The following LAMC1 variants were observed in gnomAD, a reference collection of about 807,000 sequenced individuals.
LAMC1 encodes laminin subunit gamma 1.
LAMC1 carries 38 observed loss-of-function variants against 173.6 expected under a neutral mutation model. The observed-to-expected ratio is 0.22, with a 90% CI of 0.17 to 0.29. The LOEUF (loss-of-function observed/expected upper bound fraction) is 0.29, where lower values mean the gene tolerates loss of function less well. Ranked by LOEUF, LAMC1 falls within the 10% of genes least tolerant of loss-of-function variation. The pLI, the probability that LAMC1 is intolerant of heterozygous loss-of-function variation, is 1.00. For synonymous variants in LAMC1, 746 were observed against 749.1 expected (o/e 1.00, Z 0.07); for missense variants, 1,824 against 2,051.8 (o/e 0.89, Z 2.14).
intron 2 of LAMC1, among the ~76,000 whole-genome samples, chr1:183,106,167 G>A (rs192676935): frequency 1.5e-4 from 23 of 152,244 alleles, no homozygotes; most frequent in East Asian, 7.7e-4. Context: ...GTCTAGCTCC[G>A]GGGTCTGTTC....
chr1:183,046,354 C>T (rs1040224070), intron 1 of LAMC1, among the ~76,000 whole-genome samples: 1 of 152,032 alleles, frequency 6.6e-6, no homozygotes, highest in Non-Finnish European at 1.5e-5. Flanking sequence ...ATCAGGTTGT[C>T]AAGTTCCTCA....
At position 183,133,395 on chromosome 1, in the gene LAMC1, T is replaced by C. The variant is rs772825729; in HGVS notation, c.3705-11T>C. 6.2e-7 allele frequency: 1 copy of C among 1,606,966 alleles called. No individual in the cohort carries two copies. Among genetic ancestry groups the C allele is most frequent in the Admixed American group, 1.7e-5 (1 of 59,736 alleles). On this transcript the variant is annotated splice_polypyrimidine_tract_variant and intron_variant, in intron 21 of 27. Coordinates refer to ENST00000258341, the MANE Select transcript of LAMC1 (RefSeq NM_002293.4). Reference sequence around the variant, plus strand: ...TAAGATTGTCATTAAACCACATTATTTGTGTCTTAGGTATGAACAAGCGAA... The same window carrying C: ...TAAGATTGTCATTAAACCACATTATCTGTGTCTTAGGTATGAACAAGCGAA...
At position 183,122,165 on chromosome 1, in the gene LAMC1, C is replaced by T. The variant is rs769319364; in HGVS notation, c.2315C>T (p.Pro772Leu). The change falls in exon 13 of 28, where the codon CCC (proline) becomes CTC (leucine). Residue 772 changes from proline to leucine, a missense_variant. Pro to Leu is a moderately conservative substitution (Grantham distance 98, BLOSUM62 -3). Transcript: ENST00000258341. The stretch of plus-strand genomic sequence containing the variant: ...GCAGGCACCTCCTCCGATTGCCAAC[C>T]CTGTCCGTGTCCTGGAGGTTCAAGT... Reference protein sequence around the residue: ...STAGTSSDCQPCPCPGGSSCA... With the variant: ...STAGTSSDCQLCPCPGGSSCA... The T allele has an allele frequency of 1.6e-5, 26 of 1,614,158 alleles. No homozygotes were observed. The South Asian group carries it at 2.6e-4, about 16-fold the overall frequency.
Position 183,023,764 on chromosome 1 carries a change from G to T in LAMC1, c.48G>T (p.Arg16=), listed in dbSNP as rs1305274437. Reference sequence around the variant, plus strand: ...CGCCGGCCCTGCGGCCCCGGGGGCGGCTCTGGCCCGTGCTGGCCGTGCTGG... The same window carrying T: ...CGCCGGCCCTGCGGCCCCGGGGGCGTCTCTGGCCCGTGCTGGCCGTGCTGG... ...RAAPALRPRG[R]LWPVLAVLAA... Residue 16 remains arginine, a synonymous_variant, in exon 1 of 28, where the codon CGG becomes CGT. Coordinates refer to ENST00000258341, the MANE Select transcript of LAMC1 (RefSeq NM_002293.4). 7.2e-7 allele frequency: 1 copy of T among 1,395,186 alleles called. No individual in the cohort carries two copies. The highest frequency in any genetic ancestry group is 9.3e-7 in the Non-Finnish European group (1 of 1,073,486). The allele number at this position is 1,395,186 out of a possible 1,614,324, so 86.4% of individuals were successfully genotyped here.
chr1:183,107,082 C>G (rs539919813), intron 2 of LAMC1, among the ~76,000 whole-genome samples: 1 of 152,120 alleles, frequency 6.6e-6, no homozygotes, highest in Non-Finnish European at 1.5e-5. Flanking sequence ...CTCATAAAAC[C>G]TAGGGAAAAA....
chr1:183,114,386 A>G (rs961222122), intron 4 of LAMC1, 145 bp from the exon 5 acceptor site: 4 of 839,330 alleles, frequency 4.8e-6, no homozygotes, highest in African/African-American at 1.7e-5. Flanking sequence ...GTTGTTGTTA[A>G]TGAACAGTGC....
intron 1 of LAMC1, among the ~76,000 whole-genome samples, chr1:183,088,492 C>T (rs1655489344): frequency 6.6e-6 from 1 of 152,156 alleles, no homozygotes; most frequent in African/African-American, 2.4e-5. Context: ...TTTTATCAAA[C>T]TTGAGTTTCA....
chr1:183,106,076 G>A (rs1264138798), intron 2 of LAMC1, among the ~76,000 whole-genome samples: 2 of 152,106 alleles, frequency 1.3e-5, no homozygotes, highest in Non-Finnish European at 2.9e-5. Context: ...TTACAGATGA[G>A]GAATCAGAGG....
chr1:183,060,238 G>C (rs546273942), intron 1 of LAMC1, among the ~76,000 whole-genome samples: 1 of 152,118 alleles, frequency 6.6e-6, no homozygotes, highest in South Asian at 2.1e-4. Flanking sequence ...ATCTCTGGCA[G>C]TTCCTGGAAC....
intron 13 of LAMC1, among the ~76,000 whole-genome samples, 187 bp from the exon 14 acceptor site, chr1:183,124,444 A>G (rs959749535): frequency 1.3e-5 from 2 of 152,200 alleles, no homozygotes; most frequent in Non-Finnish European, 2.9e-5. Context: ...GAGGAAATAG[A>G]GATGTGCTCA....
chr1:183,142,549 T>G lies in LAMC1; in HGVS notation c.4589T>G (p.Val1530Gly). The G allele has an allele frequency of 6.2e-7, 1 of 1,612,468 alleles. No individual in the cohort carries two copies. Among genetic ancestry groups the G allele is most frequent in the Non-Finnish European group, 8.5e-7 (1 of 1,179,312 alleles). The change falls in exon 28 of 28, where the codon GTG becomes GGG. Residue 1530 changes from valine to glycine, a missense_variant. Transcript: ENST00000258341. ...LLEQLGQLDT[V>G]DLNKLNEIEG... is the part of the protein sequence containing the mutation. The stretch of plus-strand genomic sequence containing the variant: ...GACCCTCCAGGGCAGCTGGATACAG[T>G]GGACCTGAATAAGCTAAACGAGATT...
chr1:183,046,730 G>C (rs1156546388), intron 1 of LAMC1, among the ~76,000 whole-genome samples: 1 of 152,004 alleles, frequency 6.6e-6, no homozygotes, highest in South Asian at 2.1e-4. Context: ...TATGTAGGTA[G>C]TCATCATCTG....
intron 23 of LAMC1, 74 bp from the exon 24 acceptor site, chr1:183,134,968 A>T: frequency 7.1e-7 from 1 of 1,401,258 alleles, no homozygotes; most frequent in Non-Finnish European, 1.0e-6. Flanking sequence ...GCACCTCTGG[A>T]GAGCCTTGTC....
intron 11 of LAMC1, among the ~76,000 whole-genome samples, chr1:183,120,405 C>T (rs1656439017): frequency 6.6e-6 from 1 of 152,054 alleles, no homozygotes; most frequent in South Asian, 2.1e-4. Context: ...CCAATAAAGC[C>T]ATATCTCATG....
intron 1 of LAMC1, among the ~76,000 whole-genome samples, chr1:183,066,159 T>A (rs1654868443): frequency 6.6e-6 from 1 of 152,204 alleles, no homozygotes; most frequent in South Asian, 2.1e-4. Context: ...CTGTAGTTTG[T>A]GGGAAAAATT....
intron 1 of LAMC1, among the ~76,000 whole-genome samples, chr1:183,065,786 AGTT>A: frequency 6.6e-6 from 1 of 152,342 alleles, no homozygotes; most frequent in East Asian, 1.9e-4. Flanking sequence ...AATGACAAGT[AGTT>A]GTTTACTTTG....
At chr1:183,139,519 T>C (rs1004379006) in intron 26 of LAMC1, among the ~76,000 whole-genome samples, 3 of 152,248 alleles carry the variant, frequency 2.0e-5, no homozygotes, top group Non-Finnish European at 2.9e-5. Context: ...AGCTGCCGTT[T>C]GGACAGAGAT....
intron 11 of LAMC1, among the ~76,000 whole-genome samples, chr1:183,119,451 A>G (rs750773652): frequency 1.1e-4 from 17 of 152,236 alleles, no homozygotes; most frequent in Non-Finnish European, 1.9e-4. Flanking sequence ...CATATGGGCA[A>G]TAATTTTTAA....
chr1:183,103,304 ACC>A (rs1420645154), intron 1 of LAMC1, 22 bp from the exon 2 acceptor site: 3 of 1,599,684 alleles, frequency 1.9e-6, no homozygotes, highest in Non-Finnish European at 1.7e-6. Flanking sequence ...ATGATTTATG[ACC>A]TTTGATGTGT....
Sources: gnomAD v4.1 joint callset for allele counts (sites outside exome capture counted in the v4.1 genomes callset) on GRCh38, gnomAD v4.1.1 for gene constraint, MANE v1.5 for transcripts, NCBI Gene and HGNC (gene_info 2026-07-23, HGNC 2026-07-21) for gene names.